DLGAP1: variants seen among roughly 807,000 people sequenced by gnomAD.
DLGAP1 encodes disks large-associated protein 1.
DLGAP1 carries 11 observed loss-of-function variants against 90.8 expected under a neutral mutation model. The observed-to-expected ratio is 0.12, with a 90% CI of 0.08 to 0.20. DLGAP1 has a LOEUF of 0.20. Ranked by LOEUF, DLGAP1 falls within the 10% of genes least tolerant of loss-of-function variation. DLGAP1 has a pLI of 1.00. For missense variants in DLGAP1, 1,050 were observed against 1,333.8 expected (o/e 0.79, Z 3.31); for synonymous variants, 558 against 540.7 (o/e 1.03, Z -0.44).
rs78252525 is a variant in DLGAP1 at position 4,129,770 on chromosome 18, C to T, written c.-159+21410G>A. 3.3e-3 allele frequency among the ~76,000 whole-genome samples: 501 copies of T among 152,206 alleles called. 3 individuals are homozygous for T. The highest frequency in any genetic ancestry group is 0.011 in the African/African-American group (470 of 41,544). On this transcript the variant is annotated intron_variant, in intron 2 of 12. Coordinates refer to ENST00000315677, the MANE Select transcript of DLGAP1 (RefSeq NM_004746.4). ...TGTCTACAGCTGTGCCATGAACGGACTCTGATTCCTTAGGCAAAGAATCTC... is the reference window on the plus strand; with the variant it reads ...TGTCTACAGCTGTGCCATGAACGGATTCTGATTCCTTAGGCAAAGAATCTC...
chr18:3,521,404 C>A (rs2051178677), intron 10 of DLGAP1, among the ~76,000 whole-genome samples: 1 of 152,222 alleles, frequency 6.6e-6, no homozygotes, highest in Admixed American at 6.5e-5. Flanking sequence ...GCAGGCCAAG[C>A]TGTCCAGTTT....
chr18:3,962,023 C>T lies in DLGAP1; in HGVS notation c.-73+43093G>A, dbSNP rs558025676. ...GTGTATTAACAGGTCATGGGCAACACTTTGATCTTTCTTTGGTACAAGACA... is the reference window on the plus strand; with the variant it reads ...GTGTATTAACAGGTCATGGGCAACATTTTGATCTTTCTTTGGTACAAGACA... On this transcript the variant is annotated intron_variant, in intron 3 of 12. Coordinates refer to ENST00000315677, the MANE Select transcript of DLGAP1 (RefSeq NM_004746.4). 5.9e-5 allele frequency among the ~76,000 whole-genome samples: 9 copies of T among 152,252 alleles called. No individual in the cohort carries two copies. In the South Asian group the frequency reaches 1.0e-3, roughly 18 times the overall value.
At chr18:3,876,246 T>C (rs1305787852) in intron 4 of DLGAP1, among the ~76,000 whole-genome samples, 1 of 152,154 alleles carries the variant, frequency 6.6e-6, no homozygotes, top group East Asian at 1.9e-4. Flanking sequence ...AGGTATTTTC[T>C]ATTCTCCTCT....
intron 3 of DLGAP1, among the ~76,000 whole-genome samples, chr18:3,981,494 T>C (rs540713441): frequency 6.6e-6 from 1 of 152,268 alleles, no homozygotes; most frequent in East Asian, 1.9e-4. Flanking sequence ...TGCAAAAAGA[T>C]TTAAGGATCT....
rs374800513 is a variant in DLGAP1 at position 4,311,232 on chromosome 18, TAAACA to T, written c.-267+143769_-267+143773del. On this transcript the variant is annotated intron_variant, in intron 1 of 12. Transcript: ENST00000315677. ...CTGGATACTGACTTGAGCAGAACTA[TAAACA>T]TTTTATTGCAGATAGCTTGACTTTG... Among the ~76,000 whole-genome samples the T allele has an allele frequency of 9.5e-3, 1,444 of 152,290 alleles. 24 individuals carry two copies. The highest frequency in any genetic ancestry group is 0.032 in the African/African-American group (1,340 of 41,564).
intron 1 of DLGAP1, among the ~76,000 whole-genome samples, chr18:4,151,503 AC>A (rs541369118): frequency 2.6e-5 from 4 of 152,354 alleles, no homozygotes; most frequent in Admixed American, 6.5e-5. Flanking sequence ...CAGAAAAAAA[AC>A]AATGTTGCTG....
chr18:4,067,588 A>T (rs2075388290), intron 2 of DLGAP1, among the ~76,000 whole-genome samples: 2 of 147,612 alleles, frequency 1.4e-5, no homozygotes, highest in African/African-American at 2.5e-5. Context: ...AGAGTTTGGC[A>T]TTTTTTTTTT....
At chr18:3,623,567 C>T (rs2058177887) in intron 7 of DLGAP1, among the ~76,000 whole-genome samples, 1 of 151,976 alleles carries the variant, frequency 6.6e-6, no homozygotes, top group Non-Finnish European at 1.5e-5. Flanking sequence ...GCGGGCGGAT[C>T]ACCTGAGGTC....
chr18:3,864,590 T>C (rs563458357), intron 4 of DLGAP1, among the ~76,000 whole-genome samples: 70 of 152,250 alleles, frequency 4.6e-4, no homozygotes, highest in African/African-American at 1.6e-3. Context: ...CATGAGGAAA[T>C]ACCCAAAACC....
intron 1 of DLGAP1, among the ~76,000 whole-genome samples, chr18:4,269,458 A>T (rs1307382636): frequency 6.6e-6 from 1 of 150,976 alleles, no homozygotes; most frequent in Non-Finnish European, 1.5e-5. Flanking sequence ...GGCTCACGCC[A>T]TTCTCCTGCC....
intron 7 of DLGAP1, among the ~76,000 whole-genome samples, chr18:3,708,970 T>A (rs2061521654): frequency 6.6e-6 from 1 of 152,184 alleles, no homozygotes; most frequent in Admixed American, 6.5e-5. Flanking sequence ...ACAGTTTGGT[T>A]GAATCCACTC....
At position 3,895,280 on chromosome 18, in the gene DLGAP1, TACACACACACACACAC is replaced by T. The variant is rs35493688; in HGVS notation, c.-72-15156_-72-15141del. Reference sequence around the variant, plus strand: ...CATTGTATTTCCCTTGGATGTTTATTACACACACACACACACACACACACACACACACACACACACA... The same window carrying T: ...CATTGTATTTCCCTTGGATGTTTATTACACACACACACACACACACACACA... On this transcript the variant is annotated intron_variant, in intron 3 of 12. Coordinates refer to ENST00000315677, the MANE Select transcript of DLGAP1 (RefSeq NM_004746.4). Among the ~76,000 whole-genome samples, 374 of 137,366 alleles carry T rather than the reference TACACACACACACACAC, an allele frequency of 2.7e-3. 3 individuals carry two copies. The highest frequency in any genetic ancestry group is 9.6e-3 in the African/African-American group (353 of 36,824). The allele number at this position is 137,366 out of a possible 152,430, so 90.1% of individuals were successfully genotyped here.
intron 7 of DLGAP1, among the ~76,000 whole-genome samples, chr18:3,726,031 G>T (rs2062163826): frequency 6.6e-6 from 1 of 152,220 alleles, no homozygotes. Context: ...CAAAGATTTA[G>T]AATGTGGATT....
At chr18:3,502,333 C>A in intron 12 of DLGAP1, 160 bp downstream of exon 12, 1 of 1,396,974 alleles carries the variant, frequency 7.2e-7, no homozygotes, top group South Asian at 1.9e-5. Flanking sequence ...GATAATATCC[C>A]AAATGATTAC....
At chr18:3,809,171 T>G (rs1598835217) in intron 5 of DLGAP1, among the ~76,000 whole-genome samples, 1 of 151,844 alleles carries the variant, frequency 6.6e-6, no homozygotes, top group Non-Finnish European at 1.5e-5. Context: ...TCTCAATGGG[T>G]AGGGTGATGG....
intron 5 of DLGAP1, among the ~76,000 whole-genome samples, chr18:3,800,028 T>C (rs1040298797): frequency 3.9e-5 from 6 of 152,164 alleles, no homozygotes; most frequent in Non-Finnish European, 5.9e-5. Context: ...GGCCCCTAGA[T>C]TGTTCTTCCC....
chr18:3,928,053 T>A (rs1293379967), intron 3 of DLGAP1, among the ~76,000 whole-genome samples: 1 of 152,244 alleles, frequency 6.6e-6, no homozygotes, highest in Non-Finnish European at 1.5e-5. Context: ...GGTTTCTCTA[T>A]GCTTTATGTA....
intron 7 of DLGAP1, among the ~76,000 whole-genome samples, chr18:3,673,855 T>C (rs563350801): frequency 2.7e-5 from 4 of 149,376 alleles, no homozygotes; most frequent in Admixed American, 2.0e-4. Flanking sequence ...CTTTTTTTTT[T>C]CTTTTGAGAG....
chr18:3,609,681 T>TA (rs891149159), intron 7 of DLGAP1, among the ~76,000 whole-genome samples: 1 of 152,024 alleles, frequency 6.6e-6, no homozygotes, highest in African/African-American at 2.4e-5. Flanking sequence ...GTGTTCCACT[T>TA]ACCCTGTGAC....
Sources: gnomAD v4.1 joint callset for allele counts (sites outside exome capture counted in the v4.1 genomes callset) on GRCh38, gnomAD v4.1.1 for gene constraint, MANE v1.5 for transcripts, NCBI Gene and HGNC (gene_info 2026-07-23, HGNC 2026-07-21) for gene names.